The following LASP1 variants were observed in gnomAD, a reference collection of about 807,000 sequenced individuals.
LASP1 encodes the protein LIM and SH3 protein 1.
Under a neutral mutation model 38.6 loss-of-function variants are expected in LASP1, and 10 were observed. The observed-to-expected ratio is 0.26, with a 90% CI of 0.16 to 0.44. The LOEUF (loss-of-function observed/expected upper bound fraction) is 0.44, where lower values mean the gene tolerates loss of function less well. LASP1 is among the 20% of genes least tolerant of loss of function. The pLI, the probability that LASP1 is intolerant of heterozygous loss-of-function variation, is 1.00. For missense variants in LASP1, 243 were observed against 375.7 expected, an observed-to-expected ratio of 0.65 and a Z score of 2.92; for synonymous variants, 132 against 140.8, an observed-to-expected ratio of 0.94 and a Z score of 0.44.
chr17:38,872,480 G>C (rs1913638082), intron 1 of LASP1, among the ~76,000 whole-genome samples: 1 of 152,160 alleles, frequency 6.6e-6, no homozygotes, highest in Admixed American at 6.5e-5. Context: ...AGTGGCCCTG[G>C]AGAGACCTCG....
intron 1 of LASP1, among the ~76,000 whole-genome samples, chr17:38,875,112 T>G (rs1233133668): frequency 1.4e-5 from 2 of 138,836 alleles, no homozygotes; most frequent in African/African-American, 5.2e-5. Context: ...ATGGTCTGGA[T>G]TCTGGAGAAT....
At chr17:38,911,264 C>T (rs578065891) in intron 4 of LASP1, among the ~76,000 whole-genome samples, 3 of 152,270 alleles carry the variant, frequency 2.0e-5, no homozygotes, top group Admixed American at 1.3e-4. Context: ...CCAGGGCCAG[C>T]GTCCCGAGGA....
chr17:38,917,008 T>C (rs1421570311), intron 6 of LASP1, among the ~76,000 whole-genome samples: 1 of 152,096 alleles, frequency 6.6e-6, no homozygotes, highest in Non-Finnish European at 1.5e-5. Context: ...GAAGCCCGAA[T>C]TGACTAGAGT....
At chr17:38,878,609 C>T (rs573279608) in intron 2 of LASP1, among the ~76,000 whole-genome samples, 1 of 152,280 alleles carries the variant, frequency 6.6e-6, no homozygotes, top group East Asian at 1.9e-4. Flanking sequence ...TGTTTACCTT[C>T]CCTTATTTCT....
chr17:38,918,177 C>T lies in LASP1; in HGVS notation c.613-428C>T, dbSNP rs531705480. On this transcript the variant is annotated intron_variant, in intron 6 of 6. Transcript: ENST00000318008. This position sits in a 1 kb window ranked among gnomAD's most constrained non-coding sequence, Gnocchi z 4.4. ...AAAAAGAGGGAGTTGGGGGGTCTTA[C>T]TGTGTTTCCCAGGCTGATTTCAAAC... Among the ~76,000 whole-genome samples, 1 of 151,466 alleles carries T rather than the reference C, an allele frequency of 6.6e-6. No homozygotes were observed. The highest frequency in any genetic ancestry group is 2.4e-5 in the African/African-American group (1 of 41,344).
intron 6 of LASP1, among the ~76,000 whole-genome samples, chr17:38,917,353 G>T (rs201951890): frequency 6.6e-6 from 1 of 152,106 alleles, no homozygotes; most frequent in African/African-American, 2.4e-5. Context: ...GGCAGTGAAG[G>T]TCAGGGGAGG....
chr17:38,878,963 C>CTCCCA (rs539274809), intron 2 of LASP1, among the ~76,000 whole-genome samples: 47 of 151,952 alleles, frequency 3.1e-4, no homozygotes, highest in South Asian at 1.0e-3. Flanking sequence ...AATACCTCCC[C>CTCCCA]TCCCATCCCA....
chr17:38,905,530 CAAAAAAAA>C (rs35515925), intron 4 of LASP1, among the ~76,000 whole-genome samples: 2 of 93,128 alleles, frequency 2.1e-5, no homozygotes, highest in African/African-American at 8.5e-5. Context: ...GACTCCATCT[CAAAAAAAA>C]AAAAAAAAAA....
rs778379143 is a variant in LASP1 at position 38,919,868 on chromosome 17, G to A, written c.*1090G>A. On this transcript the variant is annotated 3_prime_UTR_variant, in exon 7 of 7. Coordinates refer to ENST00000318008, the MANE Select transcript of LASP1 (RefSeq NM_006148.4). ...ATGTCTGCAGGTGTCTGACACGCAAGTGTGTGAGTGTGAGTGTGAGAGATG... is the reference window on the plus strand; with the variant it reads ...ATGTCTGCAGGTGTCTGACACGCAAATGTGTGAGTGTGAGTGTGAGAGATG... 1.1e-5 allele frequency: 5 copies of A among 474,518 alleles called. No homozygotes were observed. The highest frequency in any genetic ancestry group is 4.0e-5 in the East Asian group (1 of 25,206). The allele number at this position is 474,518 out of a possible 1,614,324, so 29.4% of individuals were successfully genotyped here. A position where few individuals can be genotyped will look rare whatever the true frequency, so the allele number is the denominator to read the frequency against.
chr17:38,896,416 C>G (rs147235744), intron 3 of LASP1, among the ~76,000 whole-genome samples: 1 of 152,308 alleles, frequency 6.6e-6, no homozygotes, highest in Non-Finnish European at 1.5e-5. Context: ...TACCCCTCAC[C>G]CCTACCCTCT....
At position 38,875,059 on chromosome 17, in the gene LASP1, G is replaced by C. The variant is rs966291044; in HGVS notation, c.70-3027G>C. ...CCTAGGACAGTGTGTAGCCCTTCGT[G>C]TGTGTGTGTGTGTGTGTGTGTGTGT... On this transcript the variant is annotated intron_variant, in intron 1 of 6. Transcript: ENST00000318008. Among the ~76,000 whole-genome samples the C allele has an allele frequency of 3.5e-4, 12 of 34,034 alleles. No homozygotes were observed. In the East Asian group the frequency reaches 7.1e-3, roughly 20 times the overall value. The allele number at this position is 34,034 out of a possible 152,430, so 22.3% of individuals were successfully genotyped here. A position where few individuals can be genotyped will look rare whatever the true frequency, so the allele number is the denominator to read the frequency against.
chr17:38,892,644 C>T (rs1037038605), intron 3 of LASP1, among the ~76,000 whole-genome samples: 9 of 152,164 alleles, frequency 5.9e-5, no homozygotes, highest in Middle Eastern at 6.8e-3. Flanking sequence ...TCCACAAAAG[C>T]GTGGCTGCAG....
At chr17:38,876,764 G>A (rs2143730634) in intron 1 of LASP1, among the ~76,000 whole-genome samples, 1 of 148,046 alleles carries the variant, frequency 6.8e-6, no homozygotes, top group African/African-American at 2.5e-5. Context: ...ACGGAGTCTT[G>A]CTCTGTCACC....
intron 4 of LASP1, chr17:38,903,816 A>C (rs1318462162): frequency 6.6e-6 from 1 of 152,240 alleles, no homozygotes; most frequent in Non-Finnish European, 1.5e-5. Context: ...GAATGTGTGG[A>C]AGTGAGGAAA....
intron 4 of LASP1, among the ~76,000 whole-genome samples, chr17:38,901,914 C>T (rs1173884954): frequency 2.0e-5 from 3 of 151,928 alleles, no homozygotes; most frequent in South Asian, 2.1e-4. Flanking sequence ...TACAGGCGCC[C>T]GCCACCACGC....
intron 2 of LASP1, among the ~76,000 whole-genome samples, chr17:38,888,935 A>C (rs1318720050): frequency 6.6e-6 from 1 of 152,170 alleles, no homozygotes; most frequent in African/African-American, 2.4e-5. Flanking sequence ...GCATGAACTG[A>C]AGAAATCGTC....
intron 3 of LASP1, among the ~76,000 whole-genome samples, chr17:38,896,661 C>T (rs1914499935): frequency 6.6e-6 from 1 of 152,242 alleles, no homozygotes; most frequent in African/African-American, 2.4e-5. Flanking sequence ...TGGCCCTCCA[C>T]AGTGCGCTGC....
intron 3 of LASP1, among the ~76,000 whole-genome samples, chr17:38,890,971 G>A (rs1914301339): frequency 6.6e-6 from 1 of 152,180 alleles, no homozygotes; most frequent in Non-Finnish European, 1.5e-5. Flanking sequence ...CACAGGATAG[G>A]GGGCTGTTCC....
At position 38,893,363 on chromosome 17, in the gene LASP1, C is replaced by G. The variant is rs75567799; in HGVS notation, c.249+2859C>G. ...GCAGCTCTGGGTGAGGCCCAAGAAT[C>G]TGCATTTTGACTCCCCCGTGATTCT... On this transcript the variant is annotated intron_variant, in intron 3 of 6. Coordinates refer to ENST00000318008, the MANE Select transcript of LASP1 (RefSeq NM_006148.4). Among the ~76,000 whole-genome samples, 45 of 152,364 alleles carry G rather than the reference C, an allele frequency of 3.0e-4. No individual in the cohort carries two copies. In the East Asian group the frequency reaches 5.8e-3, roughly 20 times the overall value.
Sources: allele counts gnomAD v4.1 joint callset (sites outside exome capture counted in the v4.1 genomes callset), GRCh38; gene constraint gnomAD v4.1.1; non-coding constraint Gnocchi (gnomAD v3.1); transcripts MANE v1.5; gene names NCBI Gene and HGNC (gene_info 2026-07-23, HGNC 2026-07-21).